Variants in GRM5 observed in about 807,000 individuals in gnomAD.
The protein encoded by GRM5 is glutamate metabotropic receptor 5, also known as metabotropic glutamate receptor 5.
GRM5 carries 19 observed loss-of-function variants against 83.1 expected under a neutral mutation model. That is an observed-to-expected ratio of 0.23 (90% CI 0.16 to 0.34). The LOEUF (loss-of-function observed/expected upper bound fraction) is 0.34, where lower values mean the gene tolerates loss of function less well. Ranked by LOEUF, GRM5 falls within the 10% of genes least tolerant of loss-of-function variation. The probability of loss-of-function intolerance (pLI) is 1.00; values close to 1 mark genes in which losing one functional copy is unlikely to be tolerated. For synonymous variants in GRM5, 675 were observed against 633.6 expected (o/e 1.07, Z -0.98); for missense variants, 1,160 against 1,588.3 (o/e 0.73, Z 4.58).
At chr11:89,034,286 C>G (rs965637675) in intron 2 of GRM5, among the ~76,000 whole-genome samples, 1 of 151,770 alleles carries the variant, frequency 6.6e-6, no homozygotes, top group African/African-American at 2.4e-5. Context: ...CAGAGCCATT[C>G]AATAGCATAA....
At chr11:88,886,127 C>T (rs1392452830) in intron 2 of GRM5, among the ~76,000 whole-genome samples, 1 of 152,180 alleles carries the variant, frequency 6.6e-6, no homozygotes, top group African/African-American at 2.4e-5. Context: ...CATTTGCAGC[C>T]AGCCAGTCCT....
intron 4 of GRM5, among the ~76,000 whole-genome samples, chr11:88,638,375 G>C (rs1939198544): frequency 6.6e-6 from 1 of 152,028 alleles, no homozygotes. Context: ...ATTTACATCA[G>C]TGTTCATGAG....
intron 2 of GRM5, among the ~76,000 whole-genome samples, chr11:88,928,902 G>A (rs641942): frequency 1.7e-5 from 1 of 60,260 alleles, no homozygotes; most frequent in South Asian, 5.3e-4. Flanking sequence ...ATGTGTATGT[G>A]TATATACACA....
At chr11:88,605,913 A>T (rs980469410) in intron 4 of GRM5, among the ~76,000 whole-genome samples, 1 of 152,192 alleles carries the variant, frequency 6.6e-6, no homozygotes, top group African/African-American at 2.4e-5. Flanking sequence ...TCTTGCTCTC[A>T]TTTACTTAGA....
chr11:88,910,191 T>C (rs977848961), intron 2 of GRM5, among the ~76,000 whole-genome samples: 4 of 152,086 alleles, frequency 2.6e-5, no homozygotes, highest in African/African-American at 9.7e-5. Flanking sequence ...TTGTATCTAG[T>C]TTATTTTTTC....
At chr11:88,682,368 C>T (rs1336211803) in intron 3 of GRM5, among the ~76,000 whole-genome samples, 3 of 152,110 alleles carry the variant, frequency 2.0e-5, no homozygotes, top group Non-Finnish European at 4.4e-5. Flanking sequence ...TAGCAATTAC[C>T]TAGCCTTGGG....
chr11:88,776,312 T>G (rs1942847888), intron 3 of GRM5, among the ~76,000 whole-genome samples: 1 of 152,166 alleles, frequency 6.6e-6, no homozygotes, highest in Non-Finnish European at 1.5e-5. Context: ...CTCCATCCCT[T>G]TATTTTGAGC....
chr11:88,867,018 GT>G (rs149233121), intron 2 of GRM5, among the ~76,000 whole-genome samples: 2,857 of 151,882 alleles, frequency 0.019, 96 homozygotes, highest in South Asian at 0.1. Flanking sequence ...GTGGTTGTAG[GT>G]TTGTGGTGTT....
intron 4 of GRM5, among the ~76,000 whole-genome samples, chr11:88,647,047 C>A (rs373334120): frequency 6.6e-6 from 1 of 152,006 alleles, no homozygotes; most frequent in Non-Finnish European, 1.5e-5. Flanking sequence ...TGGTGATGAC[C>A]GTCAATCCTT....
intron 2 of GRM5, among the ~76,000 whole-genome samples, chr11:88,869,107 G>A (rs1944719897): frequency 6.6e-6 from 1 of 151,694 alleles, no homozygotes; most frequent in South Asian, 2.1e-4. Flanking sequence ...TTGCTCTGAA[G>A]CAGATGGAAG....
chr11:88,512,811 TACAGCATTTCAGAAAATAAAAAG>T (rs1383645856), intron 9 of GRM5, among the ~76,000 whole-genome samples: 3 of 152,248 alleles, frequency 2.0e-5, no homozygotes, highest in Non-Finnish European at 4.4e-5. Flanking sequence ...TTTATGTGAA[TACAGCATTTCAGAAAATAAAAAG>T]TATACTCAAT....
intron 3 of GRM5, among the ~76,000 whole-genome samples, chr11:88,671,917 T>G (rs1213020726): frequency 6.6e-6 from 1 of 152,066 alleles, no homozygotes; most frequent in Admixed American, 6.6e-5. Flanking sequence ...TCTGTGCTCT[T>G]TTGGTTGTAC....
At chr11:88,768,270 G>C (rs1424206887) in intron 3 of GRM5, among the ~76,000 whole-genome samples, 1 of 151,972 alleles carries the variant, frequency 6.6e-6, no homozygotes, top group Non-Finnish European at 1.5e-5. Flanking sequence ...ACCTTAAAAA[G>C]AAGGAATTTC....
At chr11:88,670,991 A>G (rs1940178994) in intron 3 of GRM5, among the ~76,000 whole-genome samples, 1 of 152,028 alleles carries the variant, frequency 6.6e-6, no homozygotes, top group Admixed American at 6.6e-5. Flanking sequence ...ACCAAAATGC[A>G]TACAGAAGAA....
chr11:88,763,030 C>T (rs117642836), intron 3 of GRM5, among the ~76,000 whole-genome samples: 1 of 151,524 alleles, frequency 6.6e-6, no homozygotes, highest in Non-Finnish European at 1.5e-5. Context: ...GGGGTTGGAG[C>T]GGGAAAGGAG....
chr11:88,868,235 A>G (rs533399670), intron 2 of GRM5, among the ~76,000 whole-genome samples: 1 of 151,958 alleles, frequency 6.6e-6, no homozygotes, highest in Admixed American at 6.6e-5. Context: ...GGCAATCATA[A>G]AGAGCTCTTA....
intron 3 of GRM5, among the ~76,000 whole-genome samples, chr11:88,821,185 C>T: frequency 6.6e-6 from 1 of 152,028 alleles, no homozygotes; most frequent in Admixed American, 6.5e-5. Context: ...TTTGAAAGAG[C>T]TGTTCTAAGT....
chr11:88,665,162 T>TACACACACACACAC (rs1214459891), intron 3 of GRM5, among the ~76,000 whole-genome samples: 21,867 of 140,644 alleles, frequency 0.16, 1,980 homozygotes, highest in Non-Finnish European at 0.2. Flanking sequence ...TTAATTTATT[T>TACACACACACACAC]ACACACACAC....
At chr11:88,990,086 A>C (rs1189991871) in intron 2 of GRM5, among the ~76,000 whole-genome samples, 1 of 150,414 alleles carries the variant, frequency 6.6e-6, no homozygotes, top group Non-Finnish European at 1.5e-5. Flanking sequence ...GGTTTTTTGA[A>C]AGGATCAACA....
Sources: allele counts gnomAD v4.1 joint callset (sites outside exome capture counted in the v4.1 genomes callset), GRCh38; gene constraint gnomAD v4.1.1; transcripts MANE v1.5; gene names NCBI Gene and HGNC (gene_info 2026-07-23, HGNC 2026-07-21).